TENM2: variants seen among roughly 807,000 people sequenced by gnomAD.
The protein encoded by TENM2 is teneurin transmembrane protein 2.
In TENM2, 52 loss-of-function variants were observed where a neutral mutation model predicts 245.2. The observed-to-expected ratio is 0.21, with a 90% confidence interval of 0.17 to 0.27. TENM2 has a LOEUF of 0.27. TENM2 is among the 10% of genes least tolerant of loss of function. The probability of loss-of-function intolerance (pLI) is 1.00; values close to 1 mark genes in which losing one functional copy is unlikely to be tolerated. For synonymous variants in TENM2, 1,363 were observed against 1,438.9 expected (o/e 0.95, Z 1.19); for missense variants, 3,046 against 3,666.8 (o/e 0.83, Z 4.37).
chr5:167,014,524 A>T, the TENM2 span, among the ~76,000 whole-genome samples: 1 of 152,190 alleles, frequency 6.6e-6, no homozygotes, highest in East Asian at 1.9e-4. Flanking sequence ...CAAAATTTTA[A>T]TGGATTCTCC....
At chr5:167,865,595 G>A (rs899466534) in intron 2 of TENM2, among the ~76,000 whole-genome samples, 4 of 151,994 alleles carry the variant, frequency 2.6e-5, no homozygotes, top group Non-Finnish European at 4.4e-5. Context: ...TTTATACAAC[G>A]GTTGCGTTCT....
At chr5:168,004,517 G>GCGCGCGCA (rs898616203) in intron 5 of TENM2, among the ~76,000 whole-genome samples, 161 of 132,216 alleles carry the variant, frequency 1.2e-3, no homozygotes, top group Middle Eastern at 7.8e-3. Flanking sequence ...GCGCGCGCGC[G>GCGCGCGCA]CACACACACA....
chr5:168,105,902 T>C (rs530426991), intron 9 of TENM2, among the ~76,000 whole-genome samples: 2 of 152,344 alleles, frequency 1.3e-5, no homozygotes, highest in Non-Finnish European at 2.9e-5. Flanking sequence ...TCCTTTCCCT[T>C]GTATTTGCTT....
the TENM2 span, among the ~76,000 whole-genome samples, chr5:167,142,152 C>T: frequency 1.3e-5 from 2 of 149,334 alleles, no homozygotes; most frequent in Non-Finnish European, 3.0e-5. Context: ...TGTGTAGATA[C>T]GTGTGTTCAT....
At chr5:167,594,400 C>A (rs1440081895) in intron 2 of TENM2, among the ~76,000 whole-genome samples, 1 of 152,060 alleles carries the variant, frequency 6.6e-6, no homozygotes, top group Non-Finnish European at 1.5e-5. Context: ...TTAGTCTAAC[C>A]CACATGGCAA....
At chr5:167,043,783 G>A in the TENM2 span, among the ~76,000 whole-genome samples, 10 of 152,118 alleles carry the variant, frequency 6.6e-5, no homozygotes, top group Non-Finnish European at 1.2e-4. Flanking sequence ...AGGCCGAGGC[G>A]TGATCCGAGG....
At chr5:168,080,168 TG>T (rs2152187840) in intron 7 of TENM2, among the ~76,000 whole-genome samples, 1 of 152,304 alleles carries the variant, frequency 6.6e-6, no homozygotes, top group African/African-American at 2.4e-5. Context: ...GGAGGGTGTG[TG>T]TGTCGAGGAA....
At chr5:167,344,783 A>G (rs1427341854) in intron 1 of TENM2, among the ~76,000 whole-genome samples, 3 of 152,132 alleles carry the variant, frequency 2.0e-5, no homozygotes, top group African/African-American at 7.2e-5. Context: ...TTCAGATGTC[A>G]TAACTGCTCT....
At chr5:167,934,904 G>A in intron 3 of TENM2, 1 of 985,530 alleles carries the variant, frequency 1.0e-6, no homozygotes, top group South Asian at 4.7e-5. Flanking sequence ...AGGCTGCACT[G>A]CCCTTGAGTC....
intron 9 of TENM2, among the ~76,000 whole-genome samples, chr5:168,108,729 G>A (rs1484184563): frequency 6.6e-6 from 1 of 152,078 alleles, no homozygotes; most frequent in Non-Finnish European, 1.5e-5. Context: ...CAAATCCAGG[G>A]CAGTGTGACC....
chr5:167,853,284 C>T (rs1770757142), intron 2 of TENM2, among the ~76,000 whole-genome samples: 1 of 15,048 alleles, frequency 6.6e-5, no homozygotes, highest in Non-Finnish European at 1.5e-4. Flanking sequence ...AGCGAGACTC[C>T]GTCTCAAAAA....
intron 3 of TENM2, among the ~76,000 whole-genome samples, chr5:167,929,125 GAAA>G (rs1778077263): frequency 1.1e-5 from 1 of 94,270 alleles, no homozygotes; most frequent in Admixed American, 1.3e-4. Flanking sequence ...AAGAAAGAAA[GAAA>G]GAAAAGAAAG....
intron 2 of TENM2, among the ~76,000 whole-genome samples, chr5:167,872,548 G>GAAAGAA (rs1313191288): frequency 1.8e-3 from 121 of 65,458 alleles, no homozygotes; most frequent in African/African-American, 2.8e-3. Context: ...AAGAAAGAAA[G>GAAAGAA]AGAAAGAAAG....
At chr5:167,275,830 C>G in the TENM2 span, among the ~76,000 whole-genome samples, 1 of 152,008 alleles carries the variant, frequency 6.6e-6, no homozygotes, top group Non-Finnish European at 1.5e-5. Flanking sequence ...GTATTTCTTT[C>G]TGATCTATAT....
chr5:167,391,257 G>T (rs1375909772), intron 2 of TENM2, among the ~76,000 whole-genome samples: 1 of 152,134 alleles, frequency 6.6e-6, no homozygotes. Flanking sequence ...AGAAGTAAAT[G>T]ATTTGAGATG....
In TENM2 at chr5:167,565,997, TCAC is replaced by T. The variant is rs142466033; in HGVS notation, c.502+190528_502+190530del. Among the ~76,000 whole-genome samples the T allele has an allele frequency of 0.015, 2,346 of 152,260 alleles. 117 individuals are homozygous for T. In the East Asian group the frequency reaches 0.17, roughly 11 times the overall value. ...ATAGGGGATTTGTCAGCTGTTAAAA[TCAC>T]CACTTTTTTGTGTGAGTTAAATTCT... is the stretch of plus-strand genomic sequence containing the variant. On this transcript the variant is annotated intron_variant, in intron 2 of 28. Transcript: ENST00000518659.
intron 1 of TENM2, among the ~76,000 whole-genome samples, chr5:167,288,523 C>T (rs2127715500): frequency 6.7e-6 from 1 of 149,002 alleles, no homozygotes; most frequent in East Asian, 2.0e-4. Flanking sequence ...CGCGCCACTG[C>T]ACTCCAGCCT....
At chr5:167,897,319 CAG>C (rs1775301287) in intron 3 of TENM2, among the ~76,000 whole-genome samples, 1 of 150,506 alleles carries the variant, frequency 6.6e-6, no homozygotes, top group African/African-American at 2.4e-5. Context: ...GCTCAGAATT[CAG>C]AGACTTGTCC....
At chr5:167,793,458 T>C (rs1264885240) in intron 2 of TENM2, among the ~76,000 whole-genome samples, 1 of 152,196 alleles carries the variant, frequency 6.6e-6, no homozygotes, top group South Asian at 2.1e-4. Context: ...TCTTTAGCCA[T>C]TCTTTCATCT....
Sources: gnomAD v4.1 joint callset for allele counts (sites outside exome capture counted in the v4.1 genomes callset) on GRCh38, gnomAD v4.1.1 for gene constraint, MANE v1.5 for transcripts, NCBI Gene and HGNC (gene_info 2026-07-23, HGNC 2026-07-21) for gene names.